The following WDPCP variants were observed in gnomAD, a reference collection of about 807,000 sequenced individuals.
The protein encoded by WDPCP is WD repeat-containing and planar cell polarity effector protein fritz homolog.
Under a neutral mutation model 93.1 loss-of-function variants are expected in WDPCP, and 71 were observed. That is an observed-to-expected ratio of 0.76 (90% CI 0.63 to 0.93). WDPCP has a LOEUF of 0.93. Ranked by LOEUF, WDPCP falls within the 40% of genes least tolerant of loss-of-function variation. WDPCP has a pLI of 0.00. For missense variants in WDPCP, 844 were observed against 887.4 expected (o/e 0.95, Z 0.62); for synonymous variants, 315 against 315.0 (o/e 1.00, Z 0.00).
intron 12 of WDPCP, among the ~76,000 whole-genome samples, chr2:63,366,673 T>A (rs1690936740): frequency 6.6e-6 from 1 of 152,160 alleles, no homozygotes; most frequent in African/African-American, 2.4e-5. Flanking sequence ...TGTCCTCATA[T>A]TCAAACTTTC....
chr2:63,424,099 G>T (rs1696072705), intron 9 of WDPCP, among the ~76,000 whole-genome samples: 1 of 152,094 alleles, frequency 6.6e-6, no homozygotes. Context: ...GATGGCAGGG[G>T]AACGCTCTCT....
chr2:63,438,905 C>T (rs1697323694), intron 7 of WDPCP, among the ~76,000 whole-genome samples: 1 of 151,912 alleles, frequency 6.6e-6, no homozygotes, highest in Non-Finnish European at 1.5e-5. Context: ...ACCTTTTTAC[C>T]TTGAATAAAA....
intron 6 of WDPCP, chr2:63,442,103 C>A (rs1697540864): frequency 6.6e-6 from 1 of 151,940 alleles, no homozygotes; most frequent in South Asian, 2.1e-4. Flanking sequence ...TCAACAGTCA[C>A]CCCAATTATT....
chr2:63,220,172 G>A (rs1482248174), intron 14 of WDPCP, among the ~76,000 whole-genome samples: 1 of 152,112 alleles, frequency 6.6e-6, no homozygotes, highest in Admixed American at 6.6e-5. Context: ...GCCAATAAAA[G>A]TTGCACATGT....
chr2:63,387,399 G>C (rs1692827731), intron 10 of WDPCP, among the ~76,000 whole-genome samples: 1 of 151,704 alleles, frequency 6.6e-6, no homozygotes, highest in Admixed American at 6.6e-5. Context: ...CGTCTCAATA[G>C]ACACAGAAAA....
chr2:63,490,711 A>G (rs1252844933), intron 2 of WDPCP, among the ~76,000 whole-genome samples: 1 of 152,122 alleles, frequency 6.6e-6, no homozygotes, highest in Non-Finnish European at 1.5e-5. Context: ...CTCAGAATAG[A>G]AGGAACAGGG....
intron 7 of WDPCP, among the ~76,000 whole-genome samples, chr2:63,439,164 A>G (rs1424091514): frequency 6.6e-6 from 1 of 152,150 alleles, no homozygotes; most frequent in Non-Finnish European, 1.5e-5. Flanking sequence ...GGTTCAATAA[A>G]TGTCAGTATC....
rs528402069 is a variant in WDPCP at position 63,465,782 on chromosome 2, G to C, written c.384+18822C>G. On this transcript the variant is annotated intron_variant, in intron 6 of 17. Transcript: ENST00000272321. ...TAATTCCTGTTCTATGCTGATTATTGTGTAGTAGCTGCTTTTTATCACAGC... is the reference window on the plus strand; with the variant it reads ...TAATTCCTGTTCTATGCTGATTATTCTGTAGTAGCTGCTTTTTATCACAGC... Among the ~76,000 whole-genome samples, 14 of 152,220 alleles carry C rather than the reference G, an allele frequency of 9.2e-5. No individual in the cohort carries two copies. In the South Asian group the frequency reaches 2.7e-3, roughly 29 times the overall value.
chr2:63,598,497 G>A (rs564141048), intron 3 of WDPCP, among the ~76,000 whole-genome samples: 8 of 152,064 alleles, frequency 5.3e-5, no homozygotes, highest in African/African-American at 1.4e-4. Context: ...TAGGCTTGCC[G>A]GTTAAAGGTT....
At chr2:63,139,110 AACACATATAT>A (rs980278545) in intron 17 of WDPCP, among the ~76,000 whole-genome samples, 31 of 152,008 alleles carry the variant, frequency 2.0e-4, no homozygotes, top group South Asian at 6.2e-4. Context: ...TATACACATA[AACACATATAT>A]ACACATATAT....
At chr2:63,810,269 A>G (rs1416779557) in intron 2 of WDPCP, among the ~76,000 whole-genome samples, 4 of 152,208 alleles carry the variant, frequency 2.6e-5, no homozygotes, top group Admixed American at 6.5e-5. Context: ...ACTACTTTCA[A>G]ATATATACTC....
intron 3 of WDPCP, among the ~76,000 whole-genome samples, chr2:63,602,431 A>G (rs559910185): frequency 1.4e-5 from 2 of 145,626 alleles, no homozygotes; most frequent in African/African-American, 2.6e-5. Context: ...GAGAAGGCCC[A>G]TGTACCCATC....
At chr2:63,730,299 G>T (rs1208009609) in intron 2 of WDPCP, among the ~76,000 whole-genome samples, 2 of 152,050 alleles carry the variant, frequency 1.3e-5, no homozygotes, top group Non-Finnish European at 2.9e-5. Context: ...CTGAACTGAG[G>T]CTATCTGACT....
At chr2:63,400,075 C>CCTTT (rs10663773) in intron 10 of WDPCP, among the ~76,000 whole-genome samples, 62,930 of 151,564 alleles carry the variant, frequency 0.42, 13,265 homozygotes, top group Non-Finnish European at 0.43. Flanking sequence ...AATGTATTTA[C>CCTTT]CTATGTTTTC....
At chr2:63,615,047 G>A (rs1709657514) in intron 3 of WDPCP, among the ~76,000 whole-genome samples, 1 of 152,206 alleles carries the variant, frequency 6.6e-6, no homozygotes, top group Non-Finnish European at 1.5e-5. Context: ...AGAGGAGGTA[G>A]AAAGACACTA....
At chr2:63,671,629 C>G (rs991524627) in intron 2 of WDPCP, among the ~76,000 whole-genome samples, 3 of 152,000 alleles carry the variant, frequency 2.0e-5, no homozygotes, top group African/African-American at 7.2e-5. Flanking sequence ...CTCACTGCAA[C>G]CTCCACCTCC....
intron 13 of WDPCP, among the ~76,000 whole-genome samples, chr2:63,268,127 T>TTA (rs1194086243): frequency 3.3e-5 from 5 of 152,266 alleles, no homozygotes; most frequent in South Asian, 2.1e-4. Flanking sequence ...CAATGAGATA[T>TTA]TATATATATA....
intron 2 of WDPCP, among the ~76,000 whole-genome samples, chr2:63,708,283 A>G (rs927799857): frequency 6.6e-6 from 1 of 152,068 alleles, no homozygotes; most frequent in African/African-American, 2.4e-5. Context: ...ACACAGTTTG[A>G]GCTTCCCGGC....
At chr2:63,762,194 T>C (rs1017096908) in intron 2 of WDPCP, among the ~76,000 whole-genome samples, 1 of 152,034 alleles carries the variant, frequency 6.6e-6, no homozygotes, top group Admixed American at 6.6e-5. Flanking sequence ...AAGAGGTAAA[T>C]GTGGGAGTCT....
Sources: allele counts gnomAD v4.1 joint callset (sites outside exome capture counted in the v4.1 genomes callset), GRCh38; gene constraint gnomAD v4.1.1; transcripts MANE v1.5; gene names NCBI Gene and HGNC (gene_info 2026-07-23, HGNC 2026-07-21).